VSIG1: variants seen among roughly 807,000 people sequenced by gnomAD.
The protein encoded by VSIG1 is V-set and immunoglobulin domain containing 1, also known as V-set and immunoglobulin domain-containing protein 1.
A neutral mutation model predicts 20.1 loss-of-function variants in VSIG1; 11 were observed. That is an observed-to-expected ratio of 0.55 (90% CI 0.34 to 0.91). VSIG1 has a LOEUF of 0.91. Among genes scored for constraint, VSIG1 ranks in the 40% least tolerant of loss-of-function variants. VSIG1 has a pLI of 0.02. For synonymous variants in VSIG1, 126 were observed against 116.7 expected, an observed-to-expected ratio of 1.08 and a Z score of -0.52; for missense variants, 283 against 298.8, an observed-to-expected ratio of 0.95 and a Z score of 0.39.
chrX:108,077,382 G>T lies in VSIG1; in HGVS notation c.*1G>T. 1 of 1,207,981 alleles carries T rather than the reference G, an allele frequency of 8.3e-7. No individual in the cohort carries two copies. The highest frequency in any genetic ancestry group is 1.1e-6 in the Non-Finnish European group (1 of 893,235). On this transcript the variant is annotated 3_prime_UTR_variant, in exon 7 of 7. Transcript: ENST00000217957. Reference sequence around the variant, plus strand: ...TGAAAAGGGAGTGGTTAAGGCATAGGCTGGTGGCCTAAGTACAGCATTAAT... The same window carrying T: ...TGAAAAGGGAGTGGTTAAGGCATAGTCTGGTGGCCTAAGTACAGCATTAAT...
At chrX:108,037,152 C>G in the VSIG1 span, among the ~76,000 whole-genome samples, 26 of 111,859 alleles carry the variant, frequency 2.3e-4, no homozygotes, top group Middle Eastern at 4.6e-3. Flanking sequence ...TAGAACCATT[C>G]CAATATAAAT....
In VSIG1 at chrX:108,077,222, A is replaced by G. The variant is rs1365427028; in HGVS notation, c.1005A>G (p.Gly335=). ...TQEPAPEPAP[G]SEPMAVPDLD... is the part of the protein sequence containing the mutation. ...AGCCTGCCCCAGAGCCTGCCCCAGG[A>G]TCAGAGCCTATGGCAGTGCCTGACC... The change falls in exon 7 of 7, where the codon GGA becomes GGG. Residue 335 remains glycine (G), a synonymous_variant. Transcript: ENST00000217957. 2 of 1,211,861 alleles carry G rather than the reference A, an allele frequency of 1.7e-6. No homozygotes were observed. The highest frequency in any genetic ancestry group is 2.2e-5 in the Admixed American group (1 of 46,035).
Position 108,045,609 on chromosome X carries a change from G to T in VSIG1, c.49+430G>T, listed in dbSNP as rs145991207. Among the ~76,000 whole-genome samples, 6 of 112,587 alleles carry T rather than the reference G, an allele frequency of 5.3e-5. No homozygotes were observed. In the East Asian group the frequency reaches 1.7e-3, roughly 31 times the overall value. ...GCCTGCCCTGGCTTACATATGGGAA[G>T]AACAGAAATTTACTGAGTACTTTAC... On this transcript the variant is annotated intron_variant, in intron 1 of 6. Transcript: ENST00000217957.
chrX:108,047,937 C>CATATATATATATATACACAT, intron 1 of VSIG1, among the ~76,000 whole-genome samples: 1 of 33,587 alleles, frequency 3.0e-5, no homozygotes, highest in Non-Finnish European at 4.7e-5. Context: ...TATATATACA[C>CATATATATATATATACACAT]ATATATATAT....
At chrX:108,030,092 G>A in the VSIG1 span, among the ~76,000 whole-genome samples, 9 of 111,638 alleles carry the variant, frequency 8.1e-5, no homozygotes, top group Non-Finnish European at 1.1e-4. Context: ...AAATGCTTGC[G>A]TTGTGACATG....
the VSIG1 span, among the ~76,000 whole-genome samples, chrX:108,019,564 G>T: frequency 1.8e-5 from 2 of 111,961 alleles, no homozygotes; most frequent in East Asian, 5.6e-4. Context: ...TTGTACCTTG[G>T]CCCACAGTGT....
chrX:108,040,880 T>G (rs1776848616), upstream of VSIG1, among the ~76,000 whole-genome samples: 1 of 110,574 alleles, frequency 9.0e-6, no homozygotes, highest in South Asian at 3.9e-4. Context: ...GTGTGTGTGT[T>G]TGTGCATGTG....
At chrX:108,066,792 A>G (rs1421296438) in intron 2 of VSIG1, 144 bp from the exon 3 acceptor site, 5 of 541,169 alleles carry the variant, frequency 9.2e-6, no homozygotes, top group Non-Finnish European at 1.5e-5. Flanking sequence ...CTGAGTTGAG[A>G]AACCTTGGCC....
intron 5 of VSIG1, among the ~76,000 whole-genome samples, chrX:108,074,167 A>G (rs192650107): frequency 6.2e-5 from 7 of 112,244 alleles, no homozygotes; most frequent in Non-Finnish European, 1.1e-4. Flanking sequence ...TTGTGATTTT[A>G]ATATATGCCA....
chrX:108,044,918 G>C, upstream of VSIG1: 1 of 299,718 alleles, frequency 3.3e-6, no homozygotes. Context: ...AATATATCAA[G>C]GAAACACGCC....
chrX:108,040,906 A>G (rs1213422690), upstream of VSIG1, among the ~76,000 whole-genome samples: 3 of 110,597 alleles, frequency 2.7e-5, no homozygotes, highest in Non-Finnish European at 5.7e-5. Context: ...GCACAGAAAA[A>G]GGTCTGAGAA....
At chrX:108,075,864 T>C (rs762014799) in intron 5 of VSIG1, among the ~76,000 whole-genome samples, 2 of 111,629 alleles carry the variant, frequency 1.8e-5, no homozygotes, top group Admixed American at 9.5e-5. Context: ...CTCCTCCAAG[T>C]TGGCCACATT....
chrX:108,035,108 T>C, the VSIG1 span, among the ~76,000 whole-genome samples: 1 of 111,940 alleles, frequency 8.9e-6, no homozygotes, highest in Non-Finnish European at 1.9e-5. Flanking sequence ...ACAATTATTA[T>C]TATTATTTTA....
At chrX:108,029,590 C>A in the VSIG1 span, among the ~76,000 whole-genome samples, 1 of 111,902 alleles carries the variant, frequency 8.9e-6, no homozygotes, top group Non-Finnish European at 1.9e-5. Context: ...TGTTAATGCC[C>A]AACCCTGAGC....
intron 3 of VSIG1, among the ~76,000 whole-genome samples, chrX:108,068,644 C>G (rs1387489381): frequency 9.0e-6 from 1 of 111,607 alleles, no homozygotes; most frequent in Non-Finnish European, 1.9e-5. Flanking sequence ...AAGATCAGCA[C>G]CGAGGGGGAA....
intron 1 of VSIG1, among the ~76,000 whole-genome samples, chrX:108,046,327 G>A (rs1454324561): frequency 1.8e-5 from 2 of 111,802 alleles, no homozygotes; most frequent in Non-Finnish European, 3.8e-5. Context: ...CTAGGCCCTA[G>A]AGCTGGAAAC....
At chrX:108,074,763 A>G (rs1262787192) in intron 5 of VSIG1, among the ~76,000 whole-genome samples, 1 of 111,767 alleles carries the variant, frequency 8.9e-6, no homozygotes. Flanking sequence ...CTCATCATCT[A>G]TAAAATGGGA....
chrX:108,072,151 A>G (rs1337261841), intron 3 of VSIG1, among the ~76,000 whole-genome samples: 4 of 110,273 alleles, frequency 3.6e-5, no homozygotes, highest in Middle Eastern at 4.6e-3. Flanking sequence ...AGGAGTCACT[A>G]TTTGAATCTT....
At chrX:108,058,346 G>A (rs1368050852) in intron 2 of VSIG1, 145 bp downstream of exon 2, 2 of 528,509 alleles carry the variant, frequency 3.8e-6, no homozygotes, top group Non-Finnish European at 6.0e-6. Flanking sequence ...GAAGACAGCT[G>A]TATAGAGAAG....
Sources: allele counts gnomAD v4.1 joint callset (sites outside exome capture counted in the v4.1 genomes callset), GRCh38; gene constraint gnomAD v4.1.1; transcripts MANE v1.5; gene names NCBI Gene and HGNC (gene_info 2026-07-23, HGNC 2026-07-21).